Variants in CYREN observed in about 807,000 individuals in gnomAD.
CYREN encodes the protein cell cycle regulator of NHEJ, also known as cell cycle regulator of non-homologous end joining.
In CYREN, 7 loss-of-function variants were observed where a neutral mutation model predicts 9.7. That is an observed-to-expected ratio of 0.72 (90% CI 0.41 to 1.36). CYREN has a LOEUF of 1.36. Ranked by LOEUF, CYREN falls within the 40% of genes most tolerant of loss-of-function variation. The probability of loss-of-function intolerance (pLI) is 0.01; values close to 1 mark genes in which losing one functional copy is unlikely to be tolerated. For missense variants in CYREN, 215 were observed against 198.1 expected, an observed-to-expected ratio of 1.09 and a Z score of -0.51; for synonymous variants, 76 against 77.9, an observed-to-expected ratio of 0.98 and a Z score of 0.13.
At chr7:135,118,788 A>T (rs1248751500) in intron 2 of CYREN, among the ~76,000 whole-genome samples, 1 of 152,162 alleles carries the variant, frequency 6.6e-6, no homozygotes, top group Non-Finnish European at 1.5e-5. Flanking sequence ...GGAAGAAATA[A>T]AAAAATAGCC....
intron 2 of CYREN, among the ~76,000 whole-genome samples, chr7:135,117,757 G>A (rs1826534888): frequency 1.3e-5 from 2 of 152,178 alleles, no homozygotes; most frequent in Admixed American, 1.3e-4. Context: ...ACCTATATCA[G>A]ATACTTTTGG....
At chr7:135,139,028 T>C (rs760816585) in intron 2 of CYREN, among the ~76,000 whole-genome samples, 1 of 152,142 alleles carries the variant, frequency 6.6e-6, no homozygotes, top group Non-Finnish European at 1.5e-5. Context: ...ATGTCTTTGC[T>C]ACTGTGAATA....
intron 2 of CYREN, among the ~76,000 whole-genome samples, chr7:135,146,871 T>A (rs1390914913): frequency 6.6e-6 from 1 of 152,218 alleles, no homozygotes; most frequent in Non-Finnish European, 1.5e-5. Context: ...AAAAACTGAC[T>A]CTTTGAAAAC....
intron 2 of CYREN, among the ~76,000 whole-genome samples, chr7:135,112,934 G>A (rs1825844862): frequency 3.3e-5 from 5 of 152,056 alleles, no homozygotes; most frequent in Admixed American, 2.6e-4. Context: ...TCGCCACCAT[G>A]CCGACTTAAT....
intron 3 of CYREN, 161 bp from the exon 4 acceptor site, chr7:135,167,032 ACTC>A (rs1463735023): frequency 2.0e-6 from 2 of 984,182 alleles, no homozygotes; most frequent in African/African-American, 3.5e-5. Flanking sequence ...TCTTCACCCC[ACTC>A]CTTCCCCTGA....
At chr7:135,129,126 T>G (rs537988721) in intron 2 of CYREN, 26 of 1,539,248 alleles carry the variant, frequency 1.7e-5, no homozygotes, top group Admixed American at 3.3e-5. Context: ...GGAAGCAGAG[T>G]TATTTGCCTA....
chr7:135,129,499 T>C (rs1299554962), intron 2 of CYREN: 7 of 772,310 alleles, frequency 9.1e-6, no homozygotes, highest in African/African-American at 5.1e-5. Context: ...GGAACTCCCA[T>C]AGAGAAATTA....
chr7:135,139,396 G>A (rs2117391908), intron 2 of CYREN, among the ~76,000 whole-genome samples: 1 of 151,182 alleles, frequency 6.6e-6, no homozygotes, highest in African/African-American at 2.4e-5. Flanking sequence ...CTTGAGAAGT[G>A]TCTATTCGTG....
chr7:135,093,315 C>T (rs1312919122), exon 3 of CYREN: 1 of 151,834 alleles, frequency 6.6e-6, no homozygotes, highest in Non-Finnish European at 1.5e-5. Context: ...ATACACACGC[C>T]ACACTATTAG....
chr7:135,143,311 A>G (rs1829486088), intron 2 of CYREN, among the ~76,000 whole-genome samples: 1 of 152,248 alleles, frequency 6.6e-6, no homozygotes, highest in South Asian at 2.1e-4. Context: ...AAAGATCCAC[A>G]TAAATATAGT....
At chr7:135,123,253 A>G (rs1163706454) in intron 2 of CYREN, among the ~76,000 whole-genome samples, 1 of 152,224 alleles carries the variant, frequency 6.6e-6, no homozygotes, top group Non-Finnish European at 1.5e-5. Context: ...AGCATACACA[A>G]GTATCAATAG....
chr7:135,169,280 A>G (rs759545611), intron 1 of CYREN: 11 of 172,124 alleles, frequency 6.4e-5, no homozygotes, highest in Admixed American at 1.3e-4. Context: ...AAAGCCAACC[A>G]GAGATACCTC....
chr7:135,113,869 G>T (rs924237795), intron 2 of CYREN, among the ~76,000 whole-genome samples: 1 of 152,088 alleles, frequency 6.6e-6, no homozygotes, highest in Non-Finnish European at 1.5e-5. Context: ...GAATTTGACT[G>T]CTCTAGTCAA....
At chr7:135,117,426 A>G (rs930374663) in intron 2 of CYREN, among the ~76,000 whole-genome samples, 8 of 152,216 alleles carry the variant, frequency 5.3e-5, no homozygotes, top group African/African-American at 1.9e-4. Flanking sequence ...TAATTCTGCA[A>G]ACTCTTACAG....
intron 2 of CYREN, among the ~76,000 whole-genome samples, chr7:135,124,378 G>A (rs746707514): frequency 6.6e-6 from 1 of 152,178 alleles, no homozygotes; most frequent in Non-Finnish European, 1.5e-5. Flanking sequence ...CCCAATACAG[G>A]AGCACCCAGA....
chr7:135,100,002 C>T (rs1029982762), intron 2 of CYREN: 2 of 150,108 alleles, frequency 1.3e-5, no homozygotes, highest in Non-Finnish European at 2.9e-5. Context: ...ATTCTCCTGC[C>T]TCAGCCTCCC....
chr7:135,165,424 G>T (rs916570463), downstream of CYREN: 1 of 180,094 alleles, frequency 5.6e-6, no homozygotes, highest in Admixed American at 5.7e-5. Context: ...GACATTAAAA[G>T]AGCGAGCACC....
chr7:135,125,362 T>C (rs932697053), intron 2 of CYREN, among the ~76,000 whole-genome samples: 1 of 151,980 alleles, frequency 6.6e-6, no homozygotes, highest in African/African-American at 2.4e-5. Context: ...GATCCCTGAA[T>C]AGACCAATAG....
At chr7:135,100,177 C>CA (rs1283395626) in intron 2 of CYREN, 1 of 150,622 alleles carries the variant, frequency 6.6e-6, no homozygotes, top group Non-Finnish European at 1.5e-5. Flanking sequence ...TGAGCCACTG[C>CA]ACCCGAGTTT....
Sources: allele counts gnomAD v4.1 joint callset (sites outside exome capture counted in the v4.1 genomes callset), GRCh38; gene constraint gnomAD v4.1.1; transcripts MANE v1.5; gene names NCBI Gene and HGNC (gene_info 2026-07-23, HGNC 2026-07-21).